Variants in KLF12 observed in about 807,000 individuals in gnomAD.
KLF12 encodes the protein KLF transcription factor 12.
A neutral mutation model predicts 37.8 loss-of-function variants in KLF12; 9 were observed. That is an observed-to-expected ratio of 0.24 (90% confidence interval 0.14 to 0.42). The LOEUF (loss-of-function observed/expected upper bound fraction) is 0.42. Ranked by LOEUF, KLF12 falls within the 10% of genes least tolerant of loss-of-function variation. The pLI is 1.00. For synonymous variants in KLF12, 208 were observed against 202.1 expected (o/e 1.03, Z -0.25); for missense variants, 411 against 516.0 (o/e 0.80, Z 1.97).
chr13:73,830,435 T>C (rs546863596), intron 4 of KLF12, among the ~76,000 whole-genome samples: 68 of 152,302 alleles, frequency 4.5e-4, no homozygotes, highest in African/African-American at 1.3e-3. Flanking sequence ...GATTTTACTA[T>C]GAAGCTATTC....
intron 1 of KLF12, among the ~76,000 whole-genome samples, chr13:74,084,622 A>G (rs1218349526): frequency 6.6e-6 from 1 of 152,238 alleles, no homozygotes; most frequent in African/African-American, 2.4e-5. Flanking sequence ...CTACTGCTCC[A>G]TTACACATAT....
At chr13:74,118,301 A>G (rs915841603) in intron 1 of KLF12, among the ~76,000 whole-genome samples, 1 of 152,242 alleles carries the variant, frequency 6.6e-6, no homozygotes, top group Admixed American at 6.5e-5. Flanking sequence ...AAAATTTCTC[A>G]TAATAAAAGA....
Position 74,089,409 on chromosome 13 carries a change from T to A in KLF12, c.-32+44330A>T, listed in dbSNP as rs958423783. On this transcript the variant is annotated intron_variant, in intron 1 of 7. Coordinates refer to ENST00000377669, the MANE Select transcript of KLF12 (RefSeq NM_007249.5). The stretch of plus-strand genomic sequence containing the variant: ...GGCCATTTTATCAAATATAAGTGTA[T>A]ATTTAGATAGACCCATGAAAAAATA... Among the ~76,000 whole-genome samples, 3 of 152,158 alleles carry A rather than the reference T, an allele frequency of 2.0e-5. No homozygotes were observed. In the South Asian group the frequency reaches 6.2e-4, roughly 32 times the overall value.
intron 5 of KLF12, among the ~76,000 whole-genome samples, chr13:73,785,997 GCTT>G (rs1338706186): frequency 6.6e-6 from 1 of 152,140 alleles, no homozygotes; most frequent in Non-Finnish European, 1.5e-5. Flanking sequence ...TTGCAACTAA[GCTT>G]CTGTGTGCAA....
intron 1 of KLF12, among the ~76,000 whole-genome samples, chr13:74,104,632 T>C (rs1876551577): frequency 1.3e-5 from 2 of 152,214 alleles, no homozygotes; most frequent in South Asian, 4.1e-4. Flanking sequence ...TACAATTTCC[T>C]GAGTCAATAA....
intron 3 of KLF12, among the ~76,000 whole-genome samples, chr13:73,894,804 G>C (rs1266555000): frequency 6.6e-6 from 1 of 151,976 alleles, no homozygotes; most frequent in Non-Finnish European, 1.5e-5. Flanking sequence ...TTGACTATGG[G>C]AAAAAATACC....
intron 1 of KLF12, among the ~76,000 whole-genome samples, chr13:74,121,454 C>T (rs1330346055): frequency 6.6e-6 from 1 of 151,840 alleles, no homozygotes; most frequent in African/African-American, 2.4e-5. Context: ...GACCATTATC[C>T]CATTAAACAA....
chr13:74,262,376 T>A, the KLF12 span, among the ~76,000 whole-genome samples: 7 of 152,180 alleles, frequency 4.6e-5, no homozygotes, highest in Non-Finnish European at 7.3e-5. Flanking sequence ...ACAAGAGCGA[T>A]TGTAAATTTT....
chr13:73,911,722 T>C (rs895953346), intron 3 of KLF12, among the ~76,000 whole-genome samples: 6 of 152,340 alleles, frequency 3.9e-5, no homozygotes, highest in South Asian at 2.1e-4. Context: ...TCAGAAGTTA[T>C]AGAAATAAGA....
chr13:73,957,934 A>G (rs549732752), intron 2 of KLF12, among the ~76,000 whole-genome samples: 27 of 152,214 alleles, frequency 1.8e-4, no homozygotes, highest in Non-Finnish European at 3.4e-4. Flanking sequence ...AGAAGATCGT[A>G]CTGTTGATTC....
At chr13:74,238,788 C>G in the KLF12 span, among the ~76,000 whole-genome samples, 1 of 151,952 alleles carries the variant, frequency 6.6e-6, no homozygotes, top group African/African-American at 2.4e-5. Flanking sequence ...GTGGTGATAT[C>G]CCCTTTATCA....
rs544575631 is a variant in KLF12, at chr13:73,990,865, T to TA, written c.33+4124dup. ...CAAGGTATAAATATGATCTTATTTTTAAAAAACCGTTTCTAATTATTTGTA... is the reference window on the plus strand; with the variant it reads ...CAAGGTATAAATATGATCTTATTTTTAAAAAAACCGTTTCTAATTATTTGTA... On this transcript the variant is annotated intron_variant, in intron 2 of 7. Coordinates refer to ENST00000377669, the MANE Select transcript of KLF12 (RefSeq NM_007249.5). Among the ~76,000 whole-genome samples, 101 of 152,170 alleles carry TA rather than the reference T, an allele frequency of 6.6e-4. 1 individual carries two copies. The highest frequency in any genetic ancestry group is 1.4e-3 in the Non-Finnish European group (93 of 68,010).
At chr13:74,228,928 G>C in the KLF12 span, among the ~76,000 whole-genome samples, 168 of 150,852 alleles carry the variant, frequency 1.1e-3, 1 homozygote, top group African/African-American at 3.9e-3. Context: ...GCTGCTCCAA[G>C]CTTAGGGAAT....
intron 3 of KLF12, among the ~76,000 whole-genome samples, chr13:73,889,869 G>A (rs1300617284): frequency 3.3e-5 from 5 of 152,072 alleles, no homozygotes. Context: ...CAAACAGTAG[G>A]TGGTGAAGGT....
At chr13:74,182,322 T>C in the KLF12 span, among the ~76,000 whole-genome samples, 1 of 152,250 alleles carries the variant, frequency 6.6e-6, no homozygotes, top group African/African-American at 2.4e-5. Flanking sequence ...TTTACACGTG[T>C]AAGGCTAGAG....
chr13:73,876,609 A>G (rs1886717245), intron 3 of KLF12, among the ~76,000 whole-genome samples: 2 of 152,178 alleles, frequency 1.3e-5, no homozygotes, highest in African/African-American at 4.8e-5. Flanking sequence ...GTGGCTTATA[A>G]TTAGTGATAC....
intron 2 of KLF12, among the ~76,000 whole-genome samples, chr13:73,982,259 C>T (rs1388548232): frequency 6.6e-6 from 1 of 152,058 alleles, no homozygotes; most frequent in Non-Finnish European, 1.5e-5. Flanking sequence ...ATTTGCAATA[C>T]AAAAAGCACA....
intron 3 of KLF12, among the ~76,000 whole-genome samples, chr13:73,858,041 A>G (rs75147690): frequency 0.014 from 2,191 of 152,290 alleles, 54 homozygotes; most frequent in African/African-American, 0.049. Context: ...GAATGTTAAC[A>G]ATAGTTTTTC....
intron 1 of KLF12, among the ~76,000 whole-genome samples, chr13:74,106,940 T>G (rs1327718615): frequency 2.6e-5 from 4 of 152,188 alleles, no homozygotes; most frequent in Admixed American, 2.6e-4. Context: ...TTACATTTTT[T>G]GGGCTGCTAT....
Sources: gnomAD v4.1 joint callset for allele counts (sites outside exome capture counted in the v4.1 genomes callset) on GRCh38, gnomAD v4.1.1 for gene constraint, MANE v1.5 for transcripts, NCBI Gene and HGNC (gene_info 2026-07-23, HGNC 2026-07-21) for gene names.